Variants in MORN1 observed in about 807,000 individuals in gnomAD.
MORN1 encodes MORN repeat-containing protein 1.
In MORN1, 67 loss-of-function variants were observed where a neutral mutation model predicts 61.9. That is an observed-to-expected ratio of 1.08 (90% CI 0.89 to 1.33). The LOEUF (loss-of-function observed/expected upper bound fraction) is 1.33, where lower values mean the gene tolerates loss of function less well. Among genes scored for constraint, MORN1 ranks in the 40% most tolerant of loss-of-function variants. The pLI is 0.00. For synonymous variants in MORN1, 301 were observed against 292.0 expected (o/e 1.03, Z -0.31); for missense variants, 752 against 691.2 (o/e 1.09, Z -0.99).
intron 10 of MORN1, among the ~76,000 whole-genome samples, chr1:2,341,257 G>A (rs1641388020): frequency 6.6e-6 from 1 of 152,192 alleles, no homozygotes; most frequent in Non-Finnish European, 1.5e-5. Context: ...GCATGCTGCT[G>A]ACCGTGCGAT....
Position 2,321,585 on chromosome 1 carries a change from A to G in MORN1, c.1298-6T>C. The G allele has an allele frequency of 6.7e-7, 1 of 1,483,334 alleles. No individual in the cohort carries two copies. Among genetic ancestry groups the G allele is most frequent in the Non-Finnish European group, 9.0e-7 (1 of 1,113,298 alleles). 91.9% of individuals were successfully genotyped at this position (1,483,334 alleles called of 1,614,324 possible). On this transcript the variant is annotated splice_polypyrimidine_tract_variant and splice_region_variant and intron_variant, in intron 13 of 13. Coordinates refer to ENST00000378531, the MANE Select transcript of MORN1 (RefSeq NM_024848.3). The stretch of plus-strand genomic sequence containing the variant: ...GATCATGAGCACGTACTCCCCTGCA[A>G]GGGGCGGGTGGGCTGGTCCTCAGCA...
chr1:2,332,793 G>A (rs1284123652), intron 12 of MORN1: 1 of 454,310 alleles, frequency 2.2e-6, no homozygotes, highest in Middle Eastern at 3.3e-4. Flanking sequence ...GTGAGGCTTT[G>A]GGGCTTGTGC....
rs371162853 is a variant in MORN1, at chr1:2,327,462, A to G, written c.1251-3319T>C. Among the ~76,000 whole-genome samples, 4 of 151,498 alleles carry G rather than the reference A, an allele frequency of 2.6e-5. No individual in the cohort carries two copies. The East Asian group carries it at 5.8e-4, about 22-fold the overall frequency. On this transcript the variant is annotated intron_variant, in intron 12 of 13. Transcript: ENST00000378531. ...GACGCAGAAACACAGCAACACAAAC[A>G]CAGAAACACAGAAACACACAGAAAC... is the stretch of plus-strand genomic sequence containing the variant.
chr1:2,330,170 C>G (rs1192415372), intron 12 of MORN1, among the ~76,000 whole-genome samples: 2 of 152,230 alleles, frequency 1.3e-5, no homozygotes, highest in Admixed American at 1.3e-4. Flanking sequence ...CTTTGCTGGC[C>G]AGGCCTGCCC....
In MORN1 at chr1:2,391,493, G is replaced by A. The variant is rs1642664428; in HGVS notation, c.41C>T (p.Pro14Leu). 8.0e-7 allele frequency: 1 copy of A among 1,251,432 alleles called. No individual in the cohort carries two copies. The highest frequency in any genetic ancestry group is 1.0e-6 in the Non-Finnish European group (1 of 991,982). 77.5% of individuals were successfully genotyped at this position (1,251,432 alleles called of 1,614,324 possible). Residue 14 changes from proline (P) to leucine (L), a missense_variant, in exon 1 of 14, where the codon CCG becomes CTG. By Grantham distance (98) the Pro-to-Leu change is moderately conservative (BLOSUM62 -3). Coordinates refer to ENST00000378531, the MANE Select transcript of MORN1 (RefSeq NM_024848.3). ...AGEGTPSSRG[P>L]RRDPPRRPPR... Reference sequence around the variant, plus strand: ...CGGCCGCCTAGGCGGGTCCCGACGCGGCCCGCGGGAGCTCGGGGTGCCCTC... The same window carrying A: ...CGGCCGCCTAGGCGGGTCCCGACGCAGCCCGCGGGAGCTCGGGGTGCCCTC...
intron 10 of MORN1, among the ~76,000 whole-genome samples, chr1:2,345,431 C>G (rs767075819): frequency 2.2e-4 from 33 of 152,246 alleles, no homozygotes; most frequent in Non-Finnish European, 4.4e-4. Context: ...TGCCTCCGTC[C>G]TCCTTGGAGA....
chr1:2,322,879 T>C (rs1020826212), intron 13 of MORN1: 32 of 985,270 alleles, frequency 3.2e-5, no homozygotes, highest in African/African-American at 2.1e-4. Flanking sequence ...CGGCAAGGGC[T>C]CTGGCTGGTG....
intron 12 of MORN1, among the ~76,000 whole-genome samples, chr1:2,336,180 C>A (rs1236672153): frequency 1.3e-5 from 2 of 152,234 alleles, no homozygotes; most frequent in African/African-American, 4.8e-5. Flanking sequence ...CTTCTGCATG[C>A]CCACAGCCTG....
Position 2,380,045 on chromosome 1 carries a change from G to A in MORN1, c.537+4933C>T, listed in dbSNP as rs567911154. Among the ~76,000 whole-genome samples, 4 of 152,274 alleles carry A rather than the reference G, an allele frequency of 2.6e-5. No individual in the cohort carries two copies. The East Asian group carries it at 7.7e-4, about 29-fold the overall frequency. ...ACGGGGTGGTGGTGGTGGGGGGTGC[G>A]GGCCCGGCTCAGCCTTAGCAAGGAA... is the stretch of plus-strand genomic sequence containing the variant. On this transcript the variant is annotated intron_variant, in intron 6 of 13. Coordinates refer to ENST00000378531, the MANE Select transcript of MORN1 (RefSeq NM_024848.3).
At chr1:2,342,853 T>C (rs1278845441) in intron 10 of MORN1, among the ~76,000 whole-genome samples, 3 of 104,390 alleles carry the variant, frequency 2.9e-5, no homozygotes, top group Non-Finnish European at 3.9e-5. Context: ...TTTTATTTTA[T>C]TTTATTTTAT....
At chr1:2,353,685 C>T (rs1003397727) in intron 10 of MORN1, among the ~76,000 whole-genome samples, 42 of 152,334 alleles carry the variant, frequency 2.8e-4, no homozygotes, top group African/African-American at 9.9e-4. Flanking sequence ...CCGGAGTCCC[C>T]GATCCCCTAG....
intron 3 of MORN1, 88 bp from the exon 4 acceptor site, chr1:2,387,617 A>G: frequency 2.2e-6 from 2 of 896,266 alleles, no homozygotes; most frequent in Non-Finnish European, 3.7e-6. Flanking sequence ...GGCCCATGAC[A>G]CGCAGGAACC....
intron 5 of MORN1, 151 bp from the exon 6 acceptor site, chr1:2,385,216 C>T (rs1642466127): frequency 1.3e-6 from 1 of 749,118 alleles, no homozygotes; most frequent in Non-Finnish European, 2.2e-6. Context: ...TCCTGCCTCG[C>T]CAGGGCCAGC....
intron 6 of MORN1, among the ~76,000 whole-genome samples, chr1:2,384,413 C>T (rs919289614): frequency 2.6e-5 from 4 of 152,236 alleles, no homozygotes; most frequent in African/African-American, 9.6e-5. Context: ...CCAGAATGTA[C>T]CACCCCCAAA....
chr1:2,386,026 C>A lies in MORN1; in HGVS notation c.359-129G>T, dbSNP rs985478559. 8.1e-6 allele frequency: 6 copies of A among 742,166 alleles called. No homozygotes were observed. The Admixed American group carries it at 1.0e-4, about 13-fold the overall frequency. 46.0% of individuals were successfully genotyped at this position (742,166 alleles called of 1,614,324 possible). ...AGTCTAGGAGGCATGGGGCTCAGGGCCCCCCAGGAACATGACAGACCCTCC... is the reference window on the plus strand; with the variant it reads ...AGTCTAGGAGGCATGGGGCTCAGGGACCCCCAGGAACATGACAGACCCTCC... On this transcript the variant is annotated intron_variant, in intron 4 of 13. Transcript: ENST00000378531.
chr1:2,334,027 T>G lies in MORN1; in HGVS notation c.1250+2442A>C, dbSNP rs985003155. ...GGGGTGCATGGGAGACCCCAGAGCT[T>G]CTTCCTCACCGCAGAGCAGACAGAA... is the stretch of plus-strand genomic sequence containing the variant. On this transcript the variant is annotated intron_variant, in intron 12 of 13. Transcript: ENST00000378531. This position sits in a 1 kb window ranked among gnomAD's most constrained non-coding sequence, Gnocchi z 5.4. Among the ~76,000 whole-genome samples the G allele has an allele frequency of 2.0e-5, 3 of 152,052 alleles. No individual in the cohort carries two copies. The highest frequency in any genetic ancestry group is 1.9e-4 in the East Asian group (1 of 5,172).
Position 2,372,568 on chromosome 1 carries a change from A to C in MORN1, c.658T>G (p.Leu220Val). The C allele has an allele frequency of 6.2e-7, 1 of 1,613,366 alleles. No homozygotes were observed. Among genetic ancestry groups the C allele is most frequent in the African/African-American group, 1.3e-5 (1 of 74,856 alleles). The change falls in exon 8 of 14, where the codon TTG becomes GTG. Residue 220 changes from leucine (L) to valine (V), a missense_variant. Physicochemically the swap from Leu to Val is conservative, Grantham distance 32. Coordinates refer to ENST00000378531, the MANE Select transcript of MORN1 (RefSeq NM_024848.3). The surrounding 1 kb of genome is among the most constrained non-coding windows in gnomAD (Gnocchi z 5.4). ...GCCACTTCCATCACCTCCGGACCCA[A>C]GATCACGATCCTCGTAGCTTGTTCT... ...PAEQATRIVI[L>V]GPEVMEVAQG...
At chr1:2,385,140 C>A in intron 5 of MORN1, 75 bp from the exon 6 acceptor site, 1 of 1,451,974 alleles carries the variant, frequency 6.9e-7, no homozygotes, top group South Asian at 1.2e-5. Context: ...CCGGCTCCTC[C>A]CACCGGGCTC....
In MORN1 at chr1:2,389,849, C is replaced by A. The variant is rs1642598629; in HGVS notation, c.148+76G>T. ...GCTACAGGAAATGCCACTTGCCCAC[C>A]CAACCTCCCGGGGAGAAACTGGTTT... On this transcript the variant is annotated intron_variant, in intron 2 of 13. Coordinates refer to ENST00000378531, the MANE Select transcript of MORN1 (RefSeq NM_024848.3). 27 of 1,393,228 alleles carry A rather than the reference C, an allele frequency of 1.9e-5. No homozygotes were observed. In the South Asian group the frequency reaches 2.9e-4, roughly 15 times the overall value. 86.3% of individuals were successfully genotyped at this position (1,393,228 alleles called of 1,614,324 possible).
Sources: allele counts gnomAD v4.1 joint callset (sites outside exome capture counted in the v4.1 genomes callset), GRCh38; gene constraint gnomAD v4.1.1; non-coding constraint Gnocchi (gnomAD v3.1); transcripts MANE v1.5; gene names NCBI Gene and HGNC (gene_info 2026-07-23, HGNC 2026-07-21).